Variants in CTNNA3 observed in about 807,000 individuals in gnomAD.
The protein encoded by CTNNA3 is catenin alpha-3.
A neutral mutation model predicts 95.7 loss-of-function variants in CTNNA3; 76 were observed. That is an observed-to-expected ratio of 0.79 (90% CI 0.66 to 0.96). The LOEUF (loss-of-function observed/expected upper bound fraction) is 0.96, where lower values mean the gene tolerates loss of function less well. Ranked by LOEUF, CTNNA3 falls within the 40% of genes least tolerant of loss-of-function variation. CTNNA3 has a pLI of 0.00. For missense variants in CTNNA3, 1,191 were observed against 1,089.8 expected (o/e 1.09, Z -1.31); for synonymous variants, 431 against 374.4 (o/e 1.15, Z -1.74).
intron 5 of CTNNA3, among the ~76,000 whole-genome samples, chr10:67,432,050 G>A (rs968453324): frequency 1.3e-5 from 2 of 151,864 alleles, no homozygotes; most frequent in African/African-American, 4.8e-5. Flanking sequence ...ATTTTGAACT[G>A]AATAAAAATG....
chr10:66,116,497 A>T (rs2082345286), intron 13 of CTNNA3, among the ~76,000 whole-genome samples: 1 of 152,208 alleles, frequency 6.6e-6, no homozygotes, highest in Admixed American at 6.5e-5. Context: ...TCAACAGATG[A>T]ATTATTTAAC....
At chr10:66,014,825 C>A (rs2079063100) in intron 15 of CTNNA3, among the ~76,000 whole-genome samples, 1 of 152,110 alleles carries the variant, frequency 6.6e-6, no homozygotes, top group South Asian at 2.1e-4. Flanking sequence ...TTTGATTTGC[C>A]AGGTGCGGTG....
At chr10:66,314,247 G>A (rs887618115) in intron 12 of CTNNA3, among the ~76,000 whole-genome samples, 4 of 152,116 alleles carry the variant, frequency 2.6e-5, no homozygotes, top group African/African-American at 9.7e-5. Flanking sequence ...GATAAAGAAG[G>A]CAGCTCCACC....
At chr10:66,371,300 A>T (rs1316335625) in intron 12 of CTNNA3, among the ~76,000 whole-genome samples, 1 of 152,154 alleles carries the variant, frequency 6.6e-6, no homozygotes, top group African/African-American at 2.4e-5. Flanking sequence ...ATACTTTTAC[A>T]TATACAGCAA....
At chr10:66,042,899 CAAAAAA>C (rs60090636) in intron 15 of CTNNA3, among the ~76,000 whole-genome samples, 8 of 50,424 alleles carry the variant, frequency 1.6e-4, no homozygotes, top group African/African-American at 2.6e-4. Context: ...GACTCTGTCT[CAAAAAA>C]AAAAAAAAAA....
chr10:66,926,454 G>A, intron 7 of CTNNA3: 2 of 996,896 alleles, frequency 2.0e-6, no homozygotes, highest in Non-Finnish European at 3.1e-6. Context: ...CATCTCCCAA[G>A]GGGTCCAATT....
chr10:67,516,968 T>C (rs1839836871), intron 5 of CTNNA3, among the ~76,000 whole-genome samples: 1 of 152,206 alleles, frequency 6.6e-6, no homozygotes, highest in African/African-American at 2.4e-5. Context: ...ATTTCATTGC[T>C]TATATGTATA....
At chr10:67,622,965 G>A (rs2133415748) in intron 2 of CTNNA3, among the ~76,000 whole-genome samples, 1 of 152,224 alleles carries the variant, frequency 6.6e-6, no homozygotes, top group East Asian at 1.9e-4. Context: ...TAACTTTTAA[G>A]GTTACTCGTT....
chr10:66,873,432 CATT>C (rs1470219024), intron 7 of CTNNA3, among the ~76,000 whole-genome samples: 4 of 151,478 alleles, frequency 2.6e-5, no homozygotes, highest in African/African-American at 7.3e-5. Flanking sequence ...GATGGTGTCT[CATT>C]GTGGTTTTGA....
chr10:66,034,181 C>A (rs570509223), intron 15 of CTNNA3, among the ~76,000 whole-genome samples: 219 of 131,658 alleles, frequency 1.7e-3, no homozygotes, highest in Non-Finnish European at 2.9e-3. Context: ...TGAAAGTACT[C>A]ATACTATTTA....
intron 5 of CTNNA3, among the ~76,000 whole-genome samples, chr10:67,290,497 T>G (rs748495250): frequency 3.9e-5 from 6 of 152,196 alleles, no homozygotes; most frequent in Non-Finnish European, 7.3e-5. Flanking sequence ...TGGCTAATAT[T>G]TATGCAACTT....
At chr10:66,227,583 G>C (rs1465863031) in intron 13 of CTNNA3, among the ~76,000 whole-genome samples, 2 of 151,922 alleles carry the variant, frequency 1.3e-5, no homozygotes, top group African/African-American at 4.8e-5. Context: ...TTAGTTTTTT[G>C]TTGAGGATAT....
intron 13 of CTNNA3, among the ~76,000 whole-genome samples, chr10:66,248,541 TAAAAA>T (rs921305559): frequency 5.3e-5 from 8 of 150,842 alleles, no homozygotes; most frequent in African/African-American, 1.9e-4. Flanking sequence ...AAATAAGAAA[TAAAAA>T]AAGATACTTC....
rs1355979128 is a variant in CTNNA3, at chr10:67,391,849, C to T, written c.579+129993G>A. On this transcript the variant is annotated intron_variant, in intron 5 of 17. Coordinates refer to ENST00000433211, the MANE Select transcript of CTNNA3 (RefSeq NM_013266.4). ...AATGGTGCTGGGAAAACTGGCTACC[C>T]ATTTGTAGAAAGCTGAAACTGGATC... Among the ~76,000 whole-genome samples, 23 of 151,554 alleles carry T rather than the reference C, an allele frequency of 1.5e-4. No individual in the cohort carries two copies. The South Asian group carries it at 4.7e-3, about 31-fold the overall frequency.
At chr10:66,329,648 T>C (rs2092300970) in intron 12 of CTNNA3, among the ~76,000 whole-genome samples, 1 of 151,880 alleles carries the variant, frequency 6.6e-6, no homozygotes, top group African/African-American at 2.4e-5. Flanking sequence ...AACGAACAGT[T>C]GAACAATGGG....
chr10:66,357,366 AC>A (rs564818238), intron 12 of CTNNA3, among the ~76,000 whole-genome samples: 47 of 152,150 alleles, frequency 3.1e-4, no homozygotes, highest in Non-Finnish European at 5.6e-4. Context: ...CATGCGAGTC[AC>A]CCTTTAAAGT....
chr10:66,579,735 A>G (rs190448481), intron 10 of CTNNA3, among the ~76,000 whole-genome samples: 1 of 151,552 alleles, frequency 6.6e-6, no homozygotes, highest in Non-Finnish European at 1.5e-5. Context: ...ATTTCTGAAG[A>G]GTATTTATTA....
chr10:67,256,145 A>G (rs900611441), intron 5 of CTNNA3, among the ~76,000 whole-genome samples: 2 of 152,210 alleles, frequency 1.3e-5, no homozygotes, highest in Non-Finnish European at 2.9e-5. Flanking sequence ...TGAAGCTTAG[A>G]GATTTAAGAC....
At chr10:66,159,832 TCAATTACTATTTCA>T (rs1361429720) in intron 13 of CTNNA3, among the ~76,000 whole-genome samples, 1 of 152,002 alleles carries the variant, frequency 6.6e-6, no homozygotes, top group Non-Finnish European at 1.5e-5. Context: ...TGGTAATTTT[TCAATTACTATTTCA>T]ATCTCACTGC....
Sources: gnomAD v4.1 joint callset for allele counts (sites outside exome capture counted in the v4.1 genomes callset) on GRCh38, gnomAD v4.1.1 for gene constraint, MANE v1.5 for transcripts, NCBI Gene and HGNC (gene_info 2026-07-23, HGNC 2026-07-21) for gene names.